The following COMMD7 variants were observed in gnomAD, a reference collection of about 807,000 sequenced individuals.
The protein encoded by COMMD7 is COMM domain-containing protein 7.
COMMD7 carries 28 observed loss-of-function variants against 34.8 expected under a neutral mutation model. That is an observed-to-expected ratio of 0.80 (90% CI 0.60 to 1.10). The LOEUF is 1.10. Ranked by LOEUF, COMMD7 falls within the 50% of genes least tolerant of loss-of-function variation. COMMD7 has a pLI of 0.00. For synonymous variants in COMMD7, 80 were observed against 86.4 expected (o/e 0.93, Z 0.41); for missense variants, 211 against 241.6 (o/e 0.87, Z 0.84).
chr20:32,708,498 C>G (rs143474021), intron 3 of COMMD7, among the ~76,000 whole-genome samples: 14 of 152,180 alleles, frequency 9.2e-5, no homozygotes, highest in African/African-American at 2.7e-4. Flanking sequence ...GGCAAGACCC[C>G]GGGAAACCTT....
At chr20:32,704,746 T>A in intron 6 of COMMD7, 68 bp downstream of exon 6, 1 of 1,157,564 alleles carries the variant, frequency 8.6e-7, no homozygotes, top group Non-Finnish European at 1.3e-6. Flanking sequence ...CCATAGTGGC[T>A]GTGTCACAGC....
At chr20:32,703,777 C>T in intron 8 of COMMD7, 1 of 1,508,272 alleles carries the variant, frequency 6.6e-7, no homozygotes, top group Non-Finnish European at 8.8e-7. Flanking sequence ...TCTTCAATCC[C>T]AGCCATTCCG....
rs958294184 is a variant in COMMD7, at chr20:32,743,407, C to T, written c.-16G>A. 8.9e-6 allele frequency: 12 copies of T among 1,340,872 alleles called. No individual in the cohort carries two copies. Among genetic ancestry groups the T allele is most frequent in the African/African-American group, 1.5e-5 (1 of 64,818 alleles). 83.1% of individuals were successfully genotyped at this position (1,340,872 alleles called of 1,614,324 possible). On this transcript the variant is annotated 5_prime_UTR_variant, in exon 1 of 9. Transcript: ENST00000278980. ...GGCGGCCCATGGCGCGCGCCCCAGC[C>T]CCGCAGGTTCCACCGCCGCCGCCGC...
At position 32,703,274 on chromosome 20, in the gene COMMD7, G is replaced by A; in HGVS notation, c.*108C>T. On this transcript the variant is annotated 3_prime_UTR_variant, in exon 9 of 9. Coordinates refer to ENST00000278980, the MANE Select transcript of COMMD7 (RefSeq NM_053041.3). ...ACCTGGGCCCCATGGAGCCAGCAGG[G>A]CCCCATGGAGCATCCCACAGGCCTG... The A allele has an allele frequency of 1.0e-6, 1 of 966,850 alleles. No individual in the cohort carries two copies. Among genetic ancestry groups the A allele is most frequent in the Non-Finnish European group, 1.6e-6 (1 of 638,548 alleles). 59.9% of individuals were successfully genotyped at this position (966,850 alleles called of 1,614,324 possible). A position where few individuals can be genotyped will look rare whatever the true frequency, so the allele number is the denominator to read the frequency against.
At chr20:32,742,368 T>C (rs1487212316) in intron 1 of COMMD7, 7 of 151,938 alleles carry the variant, frequency 4.6e-5, no homozygotes, top group Non-Finnish European at 8.8e-5. Flanking sequence ...TGGGAAGTTG[T>C]GGGGGGTATG....
chr20:32,722,817 C>T (rs1362611075), intron 3 of COMMD7, among the ~76,000 whole-genome samples: 3 of 150,600 alleles, frequency 2.0e-5, no homozygotes, highest in African/African-American at 4.9e-5. Context: ...GTCAAGAGAT[C>T]GAGACCATCC....
intron 3 of COMMD7, among the ~76,000 whole-genome samples, chr20:32,714,439 G>A (rs2145729184): frequency 6.7e-6 from 1 of 148,628 alleles, no homozygotes; most frequent in African/African-American, 2.5e-5. Context: ...TGTAATCCCA[G>A]CACTTTGGGA....
chr20:32,741,256 G>T (rs948413278), intron 1 of COMMD7, among the ~76,000 whole-genome samples: 1 of 151,954 alleles, frequency 6.6e-6, no homozygotes, highest in Non-Finnish European at 1.5e-5. Flanking sequence ...GCCCAGGCTG[G>T]AGTGCAATGG....
chr20:32,730,200 C>T (rs2145769763), intron 1 of COMMD7, among the ~76,000 whole-genome samples: 1 of 151,380 alleles, frequency 6.6e-6, no homozygotes, highest in East Asian at 1.9e-4. Flanking sequence ...TTTCTCATGT[C>T]CCTCCCTGGC....
Position 32,703,321 on chromosome 20 carries a change from C to A in COMMD7, c.*61G>T. 6.8e-7 allele frequency: 1 copy of A among 1,478,092 alleles called. No individual in the cohort carries two copies. Among genetic ancestry groups the A allele is most frequent in the Non-Finnish European group, 9.4e-7 (1 of 1,066,180 alleles). The allele number at this position is 1,478,092 out of a possible 1,614,324, so 91.6% of individuals were successfully genotyped here. On this transcript the variant is annotated 3_prime_UTR_variant, in exon 9 of 9. Transcript: ENST00000278980. ...CCTGTGAGTGAAGTGCCTCTCAGAG[C>A]AGTCACCCAGGGAAGGGAGGAGGGC... is the stretch of plus-strand genomic sequence containing the variant.
At chr20:32,734,481 CA>C (rs201879557) in intron 1 of COMMD7, among the ~76,000 whole-genome samples, 4 of 146,736 alleles carry the variant, frequency 2.7e-5, no homozygotes, top group East Asian at 2.0e-4. Flanking sequence ...CAAAACCAAC[CA>C]AAAAAAAACC....
chr20:32,725,216 C>T (rs976526926), intron 3 of COMMD7, among the ~76,000 whole-genome samples: 12 of 151,778 alleles, frequency 7.9e-5, no homozygotes, highest in African/African-American at 2.4e-4. Flanking sequence ...CCATGATATA[C>T]CAGGTATGAT....
rs1236077041 is a variant in COMMD7, at chr20:32,725,363, G to A, written c.241+2530C>T. 4.0e-5 allele frequency among the ~76,000 whole-genome samples: 6 copies of A among 151,368 alleles called. No individual in the cohort carries two copies. In the East Asian group the frequency reaches 1.2e-3, roughly 29 times the overall value. On this transcript the variant is annotated intron_variant, in intron 3 of 8. Transcript: ENST00000278980. ...AAATTATATTGTGATTATCTCTAGG[G>A]ACAAAAGTAGGAGGAGAGTAAAAGA... is the stretch of plus-strand genomic sequence containing the variant.
intron 3 of COMMD7, 126 bp from the exon 4 acceptor site, chr20:32,706,886 A>G (rs1984115746): frequency 1.4e-6 from 1 of 703,654 alleles, no homozygotes; most frequent in Non-Finnish European, 2.6e-6. Context: ...GCCAGCTCCA[A>G]GATCTCAATC....
chr20:32,719,198 T>C (rs113401992), intron 3 of COMMD7, among the ~76,000 whole-genome samples: 30 of 152,272 alleles, frequency 2.0e-4, no homozygotes, highest in Middle Eastern at 3.4e-3. Context: ...CAAGTTGTGC[T>C]GTAGTTAAGT....
chr20:32,706,721 G>T lies in COMMD7; in HGVS notation c.281C>A (p.Ala94Glu), dbSNP rs750395324. 1.2e-6 allele frequency: 2 copies of T among 1,613,762 alleles called. No homozygotes were observed. The highest frequency in any genetic ancestry group is 2.7e-5 in the African/African-American group (2 of 74,838). ...KKSLTAKQVQ[A>E]DFITLGLSEE... ...TGACCTACCCAGAGTTATGAAATCCGCCTGGACCTGCTTGGCTGTGAGACT... is the reference window on the plus strand; with the variant it reads ...TGACCTACCCAGAGTTATGAAATCCTCCTGGACCTGCTTGGCTGTGAGACT... Residue 94 changes from alanine to glutamate, a missense_variant, in exon 4 of 9, where the codon GCG becomes GAG. Physicochemically the swap from Ala to Glu is moderately radical, Grantham distance 107. Coordinates refer to ENST00000278980, the MANE Select transcript of COMMD7 (RefSeq NM_053041.3).
At chr20:32,731,946 C>T (rs1259279597) in intron 1 of COMMD7, among the ~76,000 whole-genome samples, 5 of 152,336 alleles carry the variant, frequency 3.3e-5, no homozygotes, top group African/African-American at 1.2e-4. Flanking sequence ...CTATTTTTCA[C>T]TTATCAGATC....
chr20:32,730,496 A>G (rs1019685849), intron 1 of COMMD7, among the ~76,000 whole-genome samples: 9 of 152,122 alleles, frequency 5.9e-5, no homozygotes, highest in African/African-American at 2.2e-4. Context: ...CGGAGGTTGC[A>G]GTGAGTGGAG....
chr20:32,738,632 G>A (rs764967915), intron 1 of COMMD7, among the ~76,000 whole-genome samples: 4 of 152,126 alleles, frequency 2.6e-5, no homozygotes, highest in Non-Finnish European at 4.4e-5. Flanking sequence ...ATGTTGCTCA[G>A]GCTAGTCTTG....
Sources: allele counts gnomAD v4.1 joint callset (sites outside exome capture counted in the v4.1 genomes callset), GRCh38; gene constraint gnomAD v4.1.1; transcripts MANE v1.5; gene names NCBI Gene and HGNC (gene_info 2026-07-23, HGNC 2026-07-21).